TOM1L1: variants seen among roughly 807,000 people sequenced by gnomAD.
The protein encoded by TOM1L1 is target of myb1 like 1 membrane trafficking protein, also known as TOM1-like protein 1.
In TOM1L1, 64 loss-of-function variants were observed where a neutral mutation model predicts 63.4. The observed-to-expected ratio is 1.01, with a 90% CI of 0.83 to 1.24. TOM1L1 has a LOEUF of 1.24. Ranked by LOEUF, TOM1L1 falls within the 50% of genes most tolerant of loss-of-function variation. The pLI, the probability that TOM1L1 is intolerant of heterozygous loss-of-function variation, is 0.00. For missense variants in TOM1L1, 536 were observed against 567.0 expected (o/e 0.95, Z 0.55); for synonymous variants, 166 against 194.4 (o/e 0.85, Z 1.22).
chr17:54,954,920 A>G (rs1173865140), intron 14 of TOM1L1: 1 of 152,232 alleles, frequency 6.6e-6, no homozygotes, highest in Non-Finnish European at 1.5e-5. Flanking sequence ...ACCCATATTC[A>G]GACCATCTCT....
At chr17:54,920,511 A>C (rs1390210632) in intron 7 of TOM1L1, among the ~76,000 whole-genome samples, 1 of 152,228 alleles carries the variant, frequency 6.6e-6, no homozygotes, top group Non-Finnish European at 1.5e-5. Context: ...CAGTGAGACT[A>C]TTCAGTGCCT....
intron 8 of TOM1L1, among the ~76,000 whole-genome samples, chr17:54,936,019 A>G (rs1024123299): frequency 2.6e-5 from 4 of 151,970 alleles, no homozygotes; most frequent in African/African-American, 9.7e-5. Flanking sequence ...GCTACTTGGG[A>G]AGCTGTGGCA....
chr17:54,905,083 G>C (rs2048388649), intron 2 of TOM1L1, among the ~76,000 whole-genome samples: 1 of 152,146 alleles, frequency 6.6e-6, no homozygotes, highest in African/African-American at 2.4e-5. Context: ...TGTAATTCCT[G>C]TTACATCCCC....
At chr17:54,918,621 T>C (rs1449674234) in intron 7 of TOM1L1, among the ~76,000 whole-genome samples, 1 of 152,200 alleles carries the variant, frequency 6.6e-6, no homozygotes, top group Non-Finnish European at 1.5e-5. Context: ...GGTCAGATTT[T>C]AGAAAAATCC....
At chr17:54,947,432 G>A (rs2049138874) in intron 12 of TOM1L1, 120 bp downstream of exon 12, 3 of 1,145,906 alleles carry the variant, frequency 2.6e-6, no homozygotes, top group Non-Finnish European at 3.8e-6. Context: ...CGCAGCCCCT[G>A]TTAGCAAGAT....
chr17:54,946,735 G>A (rs1408774581), intron 11 of TOM1L1, among the ~76,000 whole-genome samples: 1 of 152,132 alleles, frequency 6.6e-6, no homozygotes, highest in African/African-American at 2.4e-5. Flanking sequence ...ATTTGGTCAG[G>A]AAATATGAAG....
chr17:54,924,978 A>C (rs573866037), intron 7 of TOM1L1, among the ~76,000 whole-genome samples: 15 of 152,150 alleles, frequency 9.9e-5, no homozygotes, highest in Non-Finnish European at 1.9e-4. Flanking sequence ...TCTAGAGGCT[A>C]TTCTCGAGGC....
Position 54,900,890 on chromosome 17 carries a change from G to C in TOM1L1, c.25G>C (p.Asp9His), listed in dbSNP as rs2048312865. 1.2e-6 allele frequency: 2 copies of C among 1,613,824 alleles called. No individual in the cohort carries two copies. Among genetic ancestry groups the C allele is most frequent in the Non-Finnish European group, 1.7e-6 (2 of 1,180,026 alleles). MAFGKSHR[D>H]PYATSVGHLI... ...CATGGCGTTTGGCAAGAGTCACCGGGATCCCTACGCGACCTCCGTGGGCCA... is the reference window on the plus strand; with the variant it reads ...CATGGCGTTTGGCAAGAGTCACCGGCATCCCTACGCGACCTCCGTGGGCCA... Residue 9 changes from aspartate (D) to histidine (H), a missense_variant, in exon 1 of 16, where the codon GAT becomes CAT. Asp to His is a moderately conservative substitution (Grantham distance 81). Coordinates refer to ENST00000575882, the MANE Select transcript of TOM1L1 (RefSeq NM_005486.3).
At chr17:54,939,237 T>C (rs1598043496) in intron 11 of TOM1L1, among the ~76,000 whole-genome samples, 1 of 152,266 alleles carries the variant, frequency 6.6e-6, no homozygotes, top group East Asian at 1.9e-4. Context: ...AGTTGGGCAT[T>C]GTGGCATATG....
At chr17:54,923,495 A>C (rs2048716484) in intron 7 of TOM1L1, among the ~76,000 whole-genome samples, 1 of 151,662 alleles carries the variant, frequency 6.6e-6, no homozygotes, top group Admixed American at 6.6e-5. Context: ...CCTAATGACT[A>C]ATGAATTTGA....
rs141976089 is a variant in TOM1L1 at position 54,906,643 on chromosome 17, C to G, written c.222+1076C>G. The G allele has an allele frequency of 4.3e-5, 20 of 468,350 alleles. No individual in the cohort carries two copies. In the East Asian group the frequency reaches 2.2e-3, roughly 50 times the overall value. The allele number at this position is 468,350 out of a possible 1,614,324, so 29.0% of individuals were successfully genotyped here. ...ATTAAATTCCAAACAAGTTCTGCTG[C>G]CTGGCGTGATTTGGAGAATGTTCTA... On this transcript the variant is annotated intron_variant, in intron 3 of 15. Transcript: ENST00000575882.
intron 12 of TOM1L1, among the ~76,000 whole-genome samples, chr17:54,948,370 C>T (rs2049154675): frequency 6.6e-6 from 1 of 152,120 alleles, no homozygotes; most frequent in South Asian, 2.1e-4. Flanking sequence ...TCAGTAAATG[C>T]CTGAAATGCC....
chr17:54,958,595 G>A (rs535642011), intron 14 of TOM1L1, among the ~76,000 whole-genome samples: 1 of 152,266 alleles, frequency 6.6e-6, no homozygotes, highest in East Asian at 1.9e-4. Context: ...GCCAGGCGTG[G>A]TAGCGGGTGT....
At chr17:54,936,110 C>T (rs1168595949) in intron 8 of TOM1L1, among the ~76,000 whole-genome samples, 4 of 147,312 alleles carry the variant, frequency 2.7e-5, no homozygotes, top group Non-Finnish European at 4.5e-5. Flanking sequence ...GCAACAAGAG[C>T]GAAACTCCAT....
chr17:54,911,462 A>T (rs747269670), intron 3 of TOM1L1, among the ~76,000 whole-genome samples: 2 of 152,136 alleles, frequency 1.3e-5, no homozygotes, highest in Non-Finnish European at 2.9e-5. Context: ...AATGCCCCTT[A>T]TCTTTTGAAC....
At chr17:54,926,477 T>A (rs1187267137) in intron 7 of TOM1L1, among the ~76,000 whole-genome samples, 4 of 152,152 alleles carry the variant, frequency 2.6e-5, no homozygotes, top group African/African-American at 9.7e-5. Context: ...TGTTTGTTTG[T>A]TTTTGCCTAG....
chr17:54,921,137 T>G (rs539394961), intron 7 of TOM1L1, among the ~76,000 whole-genome samples: 1 of 152,316 alleles, frequency 6.6e-6, no homozygotes, highest in East Asian at 1.9e-4. Context: ...TACTGGAGAT[T>G]GGCAGATGGG....
In TOM1L1 at chr17:54,901,098, C is replaced by T. The variant is rs143513371; in HGVS notation, c.58+175C>T. ...TCCACCCGGCCCCCTTTCGTCGTTT[C>T]CTTCTTGGCCAACTCACTGTAGAAC... is the stretch of plus-strand genomic sequence containing the variant. On this transcript the variant is annotated intron_variant, in intron 1 of 15. Coordinates refer to ENST00000575882, the MANE Select transcript of TOM1L1 (RefSeq NM_005486.3). The T allele has an allele frequency of 8.8e-4, 717 of 818,716 alleles. 4 individuals are homozygous for T. The African/African-American group carries it at 0.01, about 12-fold the overall frequency. The allele number at this position is 818,716 out of a possible 1,614,324, so 50.7% of individuals were successfully genotyped here. A position where few individuals can be genotyped will look rare whatever the true frequency, so the allele number is the denominator to read the frequency against.
chr17:54,904,001 T>TG (rs1207818344), intron 2 of TOM1L1, among the ~76,000 whole-genome samples: 2 of 152,208 alleles, frequency 1.3e-5, no homozygotes, highest in Non-Finnish European at 2.9e-5. Flanking sequence ...TCCACTATAA[T>TG]TTTTCTCCTC....
Sources: gnomAD v4.1 joint callset for allele counts (sites outside exome capture counted in the v4.1 genomes callset) on GRCh38, gnomAD v4.1.1 for gene constraint, MANE v1.5 for transcripts, NCBI Gene and HGNC (gene_info 2026-07-23, HGNC 2026-07-21) for gene names.